The following WWP2 variants were observed in gnomAD, a reference collection of about 807,000 sequenced individuals.
WWP2 encodes NEDD4-like E3 ubiquitin-protein ligase WWP2.
Under a neutral mutation model 121.0 loss-of-function variants are expected in WWP2, and 57 were observed. That is an observed-to-expected ratio of 0.47 (90% CI 0.38 to 0.59). The LOEUF is 0.59. Among genes scored for constraint, WWP2 ranks in the 20% least tolerant of loss-of-function variants. The pLI is 0.00. For missense variants in WWP2, 962 were observed against 1,158.9 expected, an observed-to-expected ratio of 0.83 and a Z score of 2.47; for synonymous variants, 449 against 441.3, an observed-to-expected ratio of 1.02 and a Z score of -0.22.
chr16:69,937,224 G>A lies in WWP2; in HGVS notation c.2224G>A (p.Glu742Lys), dbSNP rs1011526276. 5 of 1,613,674 alleles carry A rather than the reference G, an allele frequency of 3.1e-6. No individual in the cohort carries two copies. Among genetic ancestry groups the A allele is most frequent in the Non-Finnish European group, 4.2e-6 (5 of 1,179,950 alleles). Residue 742 changes from glutamate (E) to lysine (K), a missense_variant, in exon 20 of 24, where the codon GAG becomes AAG. This residue lies in a region of WWP2 where 606 missense variants were observed against 772.6 expected (regional missense o/e 0.78). Coordinates refer to ENST00000359154, the MANE Select transcript of WWP2 (RefSeq NM_001270454.2). The surrounding 1 kb of genome is among the most constrained non-coding windows in gnomAD (Gnocchi z 6.6). ...APLEWLRYFD[E>K]KELELMLCGM... ...GCTGGAGTGGCTGCGCTACTTTGAC[G>A]AGAAAGAGCTGGAGGTGAGTGTCTG...
chr16:69,896,729 T>C (rs2058110326), intron 8 of WWP2, among the ~76,000 whole-genome samples: 1 of 122,152 alleles, frequency 8.2e-6, no homozygotes, highest in Non-Finnish European at 1.5e-5. Context: ...TTGTGTGTAT[T>C]TTTTTTTTTT....
At chr16:69,915,910 ATT>A (rs1210629331) in intron 9 of WWP2, among the ~76,000 whole-genome samples, 1 of 151,906 alleles carries the variant, frequency 6.6e-6, no homozygotes, top group African/African-American at 2.4e-5. Flanking sequence ...GTGATGGTGC[ATT>A]CCTGTGGTCC....
Position 69,799,044 on chromosome 16 carries a change from A to G in WWP2, c.219-130A>G. On this transcript the variant is annotated intron_variant, in intron 3 of 23. Transcript: ENST00000359154. The surrounding 1 kb of genome is among the most constrained non-coding windows in gnomAD (Gnocchi z 4.5). ...TACAGGGTCAGCTTTGAGAGGGGAAAGGATATATGTGGGTGTCTGCCTGTT... is the reference window on the plus strand; with the variant it reads ...TACAGGGTCAGCTTTGAGAGGGGAAGGGATATATGTGGGTGTCTGCCTGTT... The G allele has an allele frequency of 7.0e-7, 1 of 1,419,858 alleles. No individual in the cohort carries two copies. The highest frequency in any genetic ancestry group is 9.5e-7 in the Non-Finnish European group (1 of 1,048,974). The allele number at this position is 1,419,858 out of a possible 1,614,324, so 88.0% of individuals were successfully genotyped here. A position where few individuals can be genotyped will look rare whatever the true frequency, so the allele number is the denominator to read the frequency against.
chr16:69,763,661 G>A (rs2038665908), intron 1 of WWP2, among the ~76,000 whole-genome samples: 1 of 152,204 alleles, frequency 6.6e-6, no homozygotes, highest in African/African-American at 2.4e-5. Flanking sequence ...TACGAGAGAC[G>A]ACTTGATTTT....
At chr16:69,908,970 C>A in intron 9 of WWP2, 120 bp downstream of exon 9, 10 of 1,508,576 alleles carry the variant, frequency 6.6e-6, no homozygotes, top group South Asian at 2.6e-5. Context: ...TATTCCGGGT[C>A]ACTTGATTGC....
chr16:69,876,917 GTGATC>G (rs2057745465), intron 7 of WWP2, among the ~76,000 whole-genome samples: 1 of 152,138 alleles, frequency 6.6e-6, no homozygotes, highest in African/African-American at 2.4e-5. Context: ...CAGATGTGCT[GTGATC>G]CAGGCTTTGT....
At chr16:69,811,186 T>C (rs1274464545) in intron 4 of WWP2, among the ~76,000 whole-genome samples, 1 of 152,200 alleles carries the variant, frequency 6.6e-6, no homozygotes, top group African/African-American at 2.4e-5. Flanking sequence ...CCATTTCCTC[T>C]TGTAGCTCCC....
chr16:69,917,316 C>G (rs1368085021), intron 9 of WWP2, among the ~76,000 whole-genome samples: 2 of 152,206 alleles, frequency 1.3e-5, no homozygotes, highest in African/African-American at 4.8e-5. Flanking sequence ...GCCAGTGGCC[C>G]CCAGGACCAC....
At position 69,908,849 on chromosome 16, in the gene WWP2, G is replaced by C; in HGVS notation, c.1003G>C (p.Gly335Arg). 1 of 1,614,198 alleles carries C rather than the reference G, an allele frequency of 6.2e-7. No homozygotes were observed. Among genetic ancestry groups the C allele is most frequent in the Non-Finnish European group, 8.5e-7 (1 of 1,180,022 alleles). ...CACCTGGGAGCGGCCCCTTCCTCCA[G>C]GGTAGGTCATCAACTGAGAAGACCT... ...TTTWERPLPP[G>R]WEKRTDPRGR... The change falls in exon 9 of 24, where the codon GGC (glycine) becomes CGC (arginine). Residue 335 changes from glycine (G) to arginine (R), a missense_variant and splice_region_variant. Physicochemically the swap from Gly to Arg is moderately radical, Grantham distance 125. Coordinates refer to ENST00000359154, the MANE Select transcript of WWP2 (RefSeq NM_001270454.2).
At chr16:69,874,044 G>A (rs1054690037) in intron 7 of WWP2, among the ~76,000 whole-genome samples, 50 of 152,256 alleles carry the variant, frequency 3.3e-4, no homozygotes, top group Middle Eastern at 3.4e-3. Flanking sequence ...TGCCTTGGAA[G>A]TGTTTCATGG....
At chr16:69,841,279 C>T (rs1316134982) in intron 5 of WWP2, among the ~76,000 whole-genome samples, 3 of 152,174 alleles carry the variant, frequency 2.0e-5, no homozygotes, top group African/African-American at 7.2e-5. Context: ...GTGAAAACCA[C>T]AGGGTGCTAT....
intron 4 of WWP2, among the ~76,000 whole-genome samples, chr16:69,832,544 A>AT (rs796763813): frequency 2.0e-5 from 3 of 152,124 alleles, no homozygotes; most frequent in Admixed American, 6.6e-5. Flanking sequence ...TTTTTAAAAA[A>AT]TTTTTAATGT....
chr16:69,885,067 C>T (rs535145109), intron 7 of WWP2, among the ~76,000 whole-genome samples: 20 of 149,570 alleles, frequency 1.3e-4, no homozygotes, highest in Admixed American at 5.4e-4. Context: ...GAAACTCCCC[C>T]TACACACACA....
Position 69,888,053 on chromosome 16 carries a change from A to G in WWP2, c.718A>G (p.Thr240Ala). ...TGCATCTTCAGTGAATGATGAACCC[A>G]CAACAGCCACTGATCCCGAAGAACC... ...LANGTVNDEP[T>A]TATDPEEPSV... is the part of the protein sequence containing the mutation. Residue 240 changes from threonine (T) to alanine (A), a missense_variant, in exon 8 of 24, where the codon ACA becomes GCA. Thr to Ala is a moderately conservative substitution (Grantham distance 58). This residue lies in a region of WWP2 where 211 missense variants were observed against 196.5 expected (regional missense o/e 1.07). Transcript: ENST00000359154. 1 of 1,614,238 alleles carries G rather than the reference A, an allele frequency of 6.2e-7. No individual in the cohort carries two copies. Among genetic ancestry groups the G allele is most frequent in the Non-Finnish European group, 8.5e-7 (1 of 1,180,040 alleles).
intron 2 of WWP2, among the ~76,000 whole-genome samples, chr16:69,798,086 T>C (rs1353370095): frequency 6.6e-6 from 1 of 152,128 alleles, no homozygotes; most frequent in African/African-American, 2.4e-5. Context: ...GCATATCCCT[T>C]AGCACTCTGT....
Position 69,769,045 on chromosome 16 carries a change from G to A in WWP2, c.-16+6654G>A, listed in dbSNP as rs150261831. 8.3e-3 allele frequency among the ~76,000 whole-genome samples: 1,265 copies of A among 152,254 alleles called. 13 individuals carry two copies. The highest frequency in any genetic ancestry group is 0.014 in the Non-Finnish European group (929 of 68,026). On this transcript the variant is annotated intron_variant, in intron 1 of 23. Transcript: ENST00000359154. The stretch of plus-strand genomic sequence containing the variant: ...TTCAAGAAATGAGTGCAGGCTGGGC[G>A]CAGTGGCTCACGCCTGTAATCCCAG...
At chr16:69,894,599 T>C (rs977502088) in intron 8 of WWP2, among the ~76,000 whole-genome samples, 1 of 152,050 alleles carries the variant, frequency 6.6e-6, no homozygotes, top group African/African-American at 2.4e-5. Flanking sequence ...GGGTATGAAG[T>C]TTTCAGGTTG....
intron 9 of WWP2, chr16:69,917,454 C>T (rs1343460509): frequency 7.5e-6 from 3 of 399,254 alleles, no homozygotes; most frequent in Admixed American, 3.9e-5. Flanking sequence ...TCCAGGCAAC[C>T]ATGCAACTCT....
chr16:69,869,134 T>G (rs2057584216), intron 6 of WWP2, among the ~76,000 whole-genome samples: 1 of 152,086 alleles, frequency 6.6e-6, no homozygotes, highest in Non-Finnish European at 1.5e-5. Context: ...GTGATCCACC[T>G]GCCTCAGCCT....
Sources: allele counts gnomAD v4.1 joint callset (sites outside exome capture counted in the v4.1 genomes callset), GRCh38; gene constraint gnomAD v4.1.1; regional missense constraint gnomAD v4.1.1; non-coding constraint Gnocchi (gnomAD v3.1); transcripts MANE v1.5; gene names NCBI Gene and HGNC (gene_info 2026-07-23, HGNC 2026-07-21).